The following CNTNAP2 variants were observed in gnomAD, a reference collection of about 807,000 sequenced individuals.
CNTNAP2 encodes the protein contactin associated protein 2.
A neutral mutation model predicts 155.2 loss-of-function variants in CNTNAP2; 98 were observed. The ratio of observed to expected loss-of-function variants is 0.63; its 90% CI spans 0.54 to 0.75. The LOEUF is 0.75. Ranked by LOEUF, CNTNAP2 falls within the 30% of genes least tolerant of loss-of-function variation. The pLI is 0.00. For missense variants in CNTNAP2, 1,727 were observed against 1,688.1 expected, an observed-to-expected ratio of 1.02 and a Z score of -0.40; for synonymous variants, 651 against 631.2, an observed-to-expected ratio of 1.03 and a Z score of -0.47.
At chr7:146,723,178 C>T (rs554627011) in intron 1 of CNTNAP2, among the ~76,000 whole-genome samples, 1 of 152,164 alleles carries the variant, frequency 6.6e-6, no homozygotes, top group African/African-American at 2.4e-5. Context: ...GAACAGAAAA[C>T]ACCATCTGGC....
At chr7:148,127,453 T>G (rs751737917) in intron 16 of CNTNAP2, among the ~76,000 whole-genome samples, 1 of 152,220 alleles carries the variant, frequency 6.6e-6, no homozygotes, top group Non-Finnish European at 1.5e-5. Context: ...TTGAGATTTT[T>G]AAGGTATCAG....
At chr7:147,607,549 C>A (rs531656677) in intron 12 of CNTNAP2, among the ~76,000 whole-genome samples, 1 of 152,250 alleles carries the variant, frequency 6.6e-6, no homozygotes, top group South Asian at 2.1e-4. Flanking sequence ...TCACATATAA[C>A]ACAGCCCGCA....
chr7:147,485,385 C>A (rs753870035), intron 10 of CNTNAP2, among the ~76,000 whole-genome samples: 4 of 152,198 alleles, frequency 2.6e-5, no homozygotes, highest in Admixed American at 6.5e-5. Flanking sequence ...CTTGCTGCCT[C>A]TTTCAGCAGG....
intron 1 of CNTNAP2, among the ~76,000 whole-genome samples, chr7:146,451,134 G>C (rs1796474374): frequency 6.6e-6 from 1 of 152,052 alleles, no homozygotes; most frequent in Non-Finnish European, 1.5e-5. Flanking sequence ...TTTTAGTACA[G>C]ACGGGGTTTC....
chr7:146,947,403 T>G (rs1308749248), intron 3 of CNTNAP2, among the ~76,000 whole-genome samples: 1 of 131,526 alleles, frequency 7.6e-6, no homozygotes, highest in Non-Finnish European at 1.6e-5. Flanking sequence ...TCTCTCTCTC[T>G]CTCTCTCTAT....
At chr7:148,412,826 T>C (rs1799873058) in intron 23 of CNTNAP2, among the ~76,000 whole-genome samples, 2 of 152,238 alleles carry the variant, frequency 1.3e-5, no homozygotes, top group Admixed American at 1.3e-4. Flanking sequence ...GCCGTAGGTT[T>C]CCAACAGATG....
chr7:146,875,337 T>C (rs1795397439), intron 3 of CNTNAP2, among the ~76,000 whole-genome samples: 1 of 152,190 alleles, frequency 6.6e-6, no homozygotes, highest in South Asian at 2.1e-4. Context: ...TAAAATGGCC[T>C]CAATGTTCCC....
At chr7:146,998,750 T>C (rs1368291792) in intron 3 of CNTNAP2, among the ~76,000 whole-genome samples, 1 of 151,960 alleles carries the variant, frequency 6.6e-6, no homozygotes, top group Non-Finnish European at 1.5e-5. Context: ...TATCATCTTA[T>C]CGAATTGACT....
intron 16 of CNTNAP2, among the ~76,000 whole-genome samples, chr7:148,131,372 C>G (rs762874933): frequency 1.1e-4 from 17 of 152,144 alleles, no homozygotes; most frequent in Non-Finnish European, 2.2e-4. Flanking sequence ...GCTGGGATTA[C>G]AGGCATAAGC....
At chr7:147,067,880 A>G (rs909403100) in intron 4 of CNTNAP2, among the ~76,000 whole-genome samples, 4 of 152,220 alleles carry the variant, frequency 2.6e-5, no homozygotes, top group African/African-American at 9.6e-5. Context: ...CTTATATGGC[A>G]CAATTTCCAC....
intron 1 of CNTNAP2, among the ~76,000 whole-genome samples, chr7:146,486,594 C>T (rs1204800361): frequency 6.6e-6 from 1 of 152,092 alleles, no homozygotes; most frequent in Admixed American, 6.5e-5. Flanking sequence ...GGGTAAGTCA[C>T]CATCAGGCTA....
intron 15 of CNTNAP2, among the ~76,000 whole-genome samples, chr7:148,076,072 C>A (rs548370031): frequency 6.6e-6 from 1 of 152,184 alleles, no homozygotes; most frequent in East Asian, 1.9e-4. Context: ...ATCACATAAT[C>A]TGATGTAATG....
intron 11 of CNTNAP2, among the ~76,000 whole-genome samples, chr7:147,526,259 T>C (rs1799317552): frequency 6.6e-6 from 1 of 152,118 alleles, no homozygotes; most frequent in Admixed American, 6.5e-5. Context: ...CTTGAATCTT[T>C]GGCATTTTTA....
intron 21 of CNTNAP2, among the ~76,000 whole-genome samples, chr7:148,301,990 G>A (rs1797400592): frequency 6.6e-6 from 1 of 152,198 alleles, no homozygotes; most frequent in African/African-American, 2.4e-5. Flanking sequence ...TCCTTTACAA[G>A]ACGGAAGCAC....
intron 21 of CNTNAP2, among the ~76,000 whole-genome samples, chr7:148,286,330 T>C (rs1797081633): frequency 6.6e-6 from 1 of 152,234 alleles, no homozygotes; most frequent in Non-Finnish European, 1.5e-5. Flanking sequence ...TCGATCCTAG[T>C]GCTCTCATCG....
intron 3 of CNTNAP2, among the ~76,000 whole-genome samples, chr7:146,887,031 C>G (rs945931021): frequency 9.2e-5 from 14 of 151,926 alleles, no homozygotes; most frequent in Admixed American, 2.0e-4. Flanking sequence ...TGTATCCCCT[C>G]ATGCTTCTCT....
intron 12 of CNTNAP2, among the ~76,000 whole-genome samples, chr7:147,623,256 A>T (rs1345207680): frequency 1.3e-5 from 2 of 152,122 alleles, no homozygotes; most frequent in Admixed American, 1.3e-4. Flanking sequence ...CCTAAGCTAG[A>T]GCATTCAGAC....
At position 147,840,634 on chromosome 7, in the gene CNTNAP2, G is replaced by A. The variant is rs78112079; in HGVS notation, c.2099-62931G>A. Among the ~76,000 whole-genome samples, 360 of 152,238 alleles carry A rather than the reference G, an allele frequency of 2.4e-3. 1 individual carries two copies. Among genetic ancestry groups the A allele is most frequent in the African/African-American group, 8.4e-3 (347 of 41,538 alleles). On this transcript the variant is annotated intron_variant, in intron 13 of 23. Transcript: ENST00000361727. ...AGGAAGTGGACATGGGCTAATTTGT[G>A]CTTAAGAAAAATCACTCTGGTCACA... is the stretch of plus-strand genomic sequence containing the variant.
At chr7:147,389,155 T>C (rs755617979) in intron 9 of CNTNAP2, among the ~76,000 whole-genome samples, 11 of 151,998 alleles carry the variant, frequency 7.2e-5, no homozygotes, top group Non-Finnish European at 1.3e-4. Flanking sequence ...TTCAGGAAGG[T>C]TGAGTAAACA....
Sources: allele counts gnomAD v4.1 joint callset (sites outside exome capture counted in the v4.1 genomes callset), GRCh38; gene constraint gnomAD v4.1.1; transcripts MANE v1.5; gene names NCBI Gene and HGNC (gene_info 2026-07-23, HGNC 2026-07-21).